Variants in DST observed in about 807,000 individuals in gnomAD.
DST encodes the protein dystonin.
A neutral mutation model predicts 875.2 loss-of-function variants in DST; 253 were observed. The ratio of observed to expected loss-of-function variants is 0.29; its 90% CI spans 0.26 to 0.32. The LOEUF (loss-of-function observed/expected upper bound fraction) is 0.32. DST is among the 10% of genes least tolerant of loss of function. The pLI is 1.00. For synonymous variants in DST, 3,124 were observed against 3,197.1 expected, an observed-to-expected ratio of 0.98 and a Z score of 0.77; for missense variants, 8,287 against 9,111.6, an observed-to-expected ratio of 0.91 and a Z score of 3.68.
At chr6:56,701,424 A>C (rs1380343097) in intron 8 of DST, among the ~76,000 whole-genome samples, 1 of 152,108 alleles carries the variant, frequency 6.6e-6, no homozygotes, top group African/African-American at 2.4e-5. Flanking sequence ...TAAAAACAAA[A>C]GATTTCCTTA....
intron 10 of DST, among the ~76,000 whole-genome samples, chr6:56,658,929 A>G (rs763044317): frequency 4.6e-5 from 7 of 152,232 alleles, no homozygotes; most frequent in Non-Finnish European, 8.8e-5. Context: ...GTGGGGAGCC[A>G]GCAGCCAGGG....
At chr6:56,633,065 T>G (rs2098794528) in intron 27 of DST, 28 bp from the exon 28 acceptor site, 1 of 1,595,398 alleles carries the variant, frequency 6.3e-7, no homozygotes. Flanking sequence ...CCCATGTAAT[T>G]CATTCTATTA....
intron 4 of DST, among the ~76,000 whole-genome samples, chr6:56,763,618 G>A (rs2099623447): frequency 2.0e-5 from 3 of 150,956 alleles, no homozygotes; most frequent in Admixed American, 1.3e-4. Context: ...GTTGCAGTGA[G>A]CTGAGATCAC....
At chr6:56,590,447 T>C (rs556545318) in intron 49 of DST, among the ~76,000 whole-genome samples, 6 of 152,318 alleles carry the variant, frequency 3.9e-5, no homozygotes, top group Non-Finnish European at 7.3e-5. Context: ...ATGTAATATA[T>C]GCAATCAATA....
chr6:56,928,851 C>T (rs1166227702), intron 2 of DST, among the ~76,000 whole-genome samples: 1 of 151,722 alleles, frequency 6.6e-6, no homozygotes, highest in Non-Finnish European at 1.5e-5. Context: ...ACTAGATATA[C>T]TTTTACAAGA....
chr6:56,918,630 TC>T (rs374547217), intron 2 of DST, among the ~76,000 whole-genome samples: 237 of 152,350 alleles, frequency 1.6e-3, no homozygotes, highest in African/African-American at 5.5e-3. Context: ...CAACTTTGTC[TC>T]TAAAAATGTA....
In DST at chr6:56,607,051, T is replaced by C; in HGVS notation, c.7577A>G (p.Tyr2526Cys). The C allele has an allele frequency of 6.2e-7, 1 of 1,613,372 alleles. No homozygotes were observed. Among genetic ancestry groups the C allele is most frequent in the Non-Finnish European group, 8.5e-7 (1 of 1,179,620 alleles). ...NPQVQYHNDK[Y>C]ISNTSGEDEK... ...ATCCTCACCAGAAGTATTTGAAATG[T>C]ATTTATCATTGTGATATTGTACTTG... The change falls in exon 40 of 104, where the codon TAC (tyrosine) becomes TGC (cysteine). Residue 2526 changes from tyrosine to cysteine, a missense_variant. Around this residue, in one of 10 missense-constraint regions of DST, gnomAD observed 3,138 missense variants for 3,116.6 expected, o/e 1.01. Coordinates refer to ENST00000680361, the MANE Select transcript of DST (RefSeq NM_001374736.1).
chr6:56,597,506 A>C (rs2098403105), intron 47 of DST, among the ~76,000 whole-genome samples: 1 of 152,144 alleles, frequency 6.6e-6, no homozygotes, highest in South Asian at 2.1e-4. Flanking sequence ...ATTATTATTA[A>C]ATCTTTATAA....
chr6:56,704,284 G>C lies in DST; in HGVS notation c.773C>G (p.Thr258Ser). ...ISLLEVLSGD[T>S]LPRERDFLKT... The stretch of plus-strand genomic sequence containing the variant: ...AATAAGAAAGTTAAAACTTACCAAG[G>C]TATCTCCTGAAAGAACCTCTAAAAG... Residue 258 changes from threonine (T) to serine (S), a missense_variant, in exon 6 of 104, where the codon ACC becomes AGC. Around this residue, in one of 10 missense-constraint regions of DST, gnomAD observed 1,160 missense variants for 1,424.3 expected, o/e 0.81. Transcript: ENST00000680361. The C allele has an allele frequency of 1.3e-6, 2 of 1,483,036 alleles. No individual in the cohort carries two copies. Among genetic ancestry groups the C allele is most frequent in the South Asian group, 1.2e-5 (1 of 80,382 alleles). 91.9% of individuals were successfully genotyped at this position (1,483,036 alleles called of 1,614,324 possible). A position where few individuals can be genotyped will look rare whatever the true frequency, so the allele number is the denominator to read the frequency against.
intron 80 of DST, among the ~76,000 whole-genome samples, chr6:56,498,494 A>C (rs2095999021): frequency 6.6e-6 from 1 of 152,186 alleles, no homozygotes; most frequent in African/African-American, 2.4e-5. Context: ...CTGTGTGAGA[A>C]CAGTTTGCTA....
intron 4 of DST, among the ~76,000 whole-genome samples, chr6:56,837,510 C>T (rs1562104618): frequency 6.6e-6 from 1 of 152,074 alleles, no homozygotes; most frequent in Non-Finnish European, 1.5e-5. Context: ...CCAGAGTGCT[C>T]TTTCTAATAT....
intron 4 of DST, among the ~76,000 whole-genome samples, chr6:56,842,258 C>A (rs1300357902): frequency 6.6e-6 from 1 of 152,138 alleles, no homozygotes; most frequent in Admixed American, 6.5e-5. Flanking sequence ...ATACTTTAAA[C>A]CTCTGTGAGC....
intron 3 of DST, among the ~76,000 whole-genome samples, chr6:56,886,596 A>G (rs184409835): frequency 2.6e-5 from 4 of 152,136 alleles, no homozygotes; most frequent in African/African-American, 9.6e-5. Flanking sequence ...ACCAACATGG[A>G]GAAACCCCGT....
At chr6:56,914,851 T>C (rs762706108) in intron 2 of DST, among the ~76,000 whole-genome samples, 10 of 152,080 alleles carry the variant, frequency 6.6e-5, no homozygotes, top group Non-Finnish European at 1.0e-4. Context: ...ACAGTAACCA[T>C]ATGAAAAAGC....
intron 2 of DST, among the ~76,000 whole-genome samples, chr6:56,920,518 C>T (rs1803539563): frequency 6.6e-6 from 1 of 152,148 alleles, no homozygotes; most frequent in Admixed American, 6.6e-5. Context: ...GGTAGAAATT[C>T]ATAGTCTCTA....
At chr6:56,725,731 G>T (rs2099452382) in intron 5 of DST, among the ~76,000 whole-genome samples, 1 of 152,168 alleles carries the variant, frequency 6.6e-6, no homozygotes, top group Non-Finnish European at 1.5e-5. Context: ...CTGAGAACAA[G>T]ACCAGTTCTT....
At chr6:56,782,848 C>T (rs1224851653) in intron 4 of DST, among the ~76,000 whole-genome samples, 1 of 152,046 alleles carries the variant, frequency 6.6e-6, no homozygotes, top group Non-Finnish European at 1.5e-5. Context: ...CCTGCTTTCT[C>T]TTGTGGGCAT....
intron 2 of DST, among the ~76,000 whole-genome samples, chr6:56,925,929 C>G (rs1009529313): frequency 2.6e-5 from 4 of 152,144 alleles, no homozygotes; most frequent in Non-Finnish European, 4.4e-5. Context: ...GATCCAAAAG[C>G]TAAATTACTA....
At chr6:56,704,129 G>T (rs935624723) in intron 6 of DST, 151 bp downstream of exon 6, 1 of 447,262 alleles carries the variant, frequency 2.2e-6, no homozygotes, top group African/African-American at 2.1e-5. Context: ...AAAATGCTTA[G>T]GAATCTAACC....
Sources: allele counts gnomAD v4.1 joint callset (sites outside exome capture counted in the v4.1 genomes callset), GRCh38; gene constraint gnomAD v4.1.1; regional missense constraint gnomAD v4.1.1; transcripts MANE v1.5; gene names NCBI Gene and HGNC (gene_info 2026-07-23, HGNC 2026-07-21).